KCNAB1: variants seen among roughly 807,000 people sequenced by gnomAD.
The protein encoded by KCNAB1 is potassium voltage-gated channel subfamily A regulatory beta subunit 1.
A neutral mutation model predicts 64.6 loss-of-function variants in KCNAB1; 35 were observed. That is an observed-to-expected ratio of 0.54 (90% CI 0.41 to 0.72). The LOEUF is 0.72. KCNAB1 is among the 30% of genes least tolerant of loss of function. The probability of loss-of-function intolerance (pLI) is 0.00; values close to 1 mark genes in which losing one functional copy is unlikely to be tolerated. For missense variants in KCNAB1, 401 were observed against 512.9 expected, an observed-to-expected ratio of 0.78 and a Z score of 2.11; for synonymous variants, 177 against 183.8, an observed-to-expected ratio of 0.96 and a Z score of 0.30.
chr3:156,158,203 TAAATAAATA>T lies in KCNAB1; in HGVS notation c.275+37320_275+37328del, dbSNP rs1560112507. On this transcript the variant is annotated intron_variant, in intron 1 of 13. Coordinates refer to ENST00000490337, the MANE Select transcript of KCNAB1 (RefSeq NM_172160.3). ...AAAAATAAATAAATAAATAAATAAA[TAAATAAATA>T]AATAAATAAATGGGCCAAAAATGTA... Among the ~76,000 whole-genome samples, 91 of 140,412 alleles carry T rather than the reference TAAATAAATA, an allele frequency of 6.5e-4. 2 individuals carry two copies. Among genetic ancestry groups the T allele is most frequent in the Admixed American group, 1.0e-3 (15 of 14,324 alleles). 92.1% of individuals were successfully genotyped at this position (140,412 alleles called of 152,430 possible).
At chr3:156,273,397 C>T (rs1000668462) in intron 1 of KCNAB1, among the ~76,000 whole-genome samples, 7 of 152,208 alleles carry the variant, frequency 4.6e-5, no homozygotes, top group African/African-American at 1.7e-4. Flanking sequence ...GTTCCAACTG[C>T]TGGGATGGGT....
intron 1 of KCNAB1, among the ~76,000 whole-genome samples, chr3:156,237,594 A>G (rs936505382): frequency 2.0e-5 from 3 of 152,110 alleles, no homozygotes; most frequent in Non-Finnish European, 4.4e-5. Flanking sequence ...AGTTTTTTGC[A>G]TCTAGCTCTA....
chr3:156,370,549 G>A (rs1373421965), intron 1 of KCNAB1, among the ~76,000 whole-genome samples: 1 of 152,170 alleles, frequency 6.6e-6, no homozygotes, highest in Non-Finnish European at 1.5e-5. Context: ...TGTGGCATTT[G>A]TTCATTCAAA....
At chr3:156,423,846 G>C (rs1044841781) in intron 2 of KCNAB1, among the ~76,000 whole-genome samples, 4 of 152,162 alleles carry the variant, frequency 2.6e-5, no homozygotes, top group African/African-American at 9.7e-5. Flanking sequence ...GCTAAAATGA[G>C]GGAGCTGAGG....
At chr3:156,503,700 G>T (rs1225375371) in intron 8 of KCNAB1, among the ~76,000 whole-genome samples, 4 of 151,910 alleles carry the variant, frequency 2.6e-5, no homozygotes, top group Non-Finnish European at 2.9e-5. Flanking sequence ...GATCACAGGG[G>T]CAATGCCACA....
chr3:156,355,449 C>A (rs1725167435), intron 1 of KCNAB1, among the ~76,000 whole-genome samples: 1 of 152,144 alleles, frequency 6.6e-6, no homozygotes, highest in Admixed American at 6.5e-5. Context: ...CATTGACATT[C>A]AACACTCCAT....
chr3:156,319,950 T>C (rs1358164401), intron 1 of KCNAB1, among the ~76,000 whole-genome samples: 15 of 152,204 alleles, frequency 9.9e-5, no homozygotes. Flanking sequence ...CCAGTTTTAA[T>C]GTAGATCATA....
chr3:156,199,993 G>T (rs1714220766), intron 1 of KCNAB1, among the ~76,000 whole-genome samples: 1 of 152,140 alleles, frequency 6.6e-6, no homozygotes, highest in African/African-American at 2.4e-5. Flanking sequence ...ATGGCCTTTG[G>T]ATGGGGTTTT....
intron 1 of KCNAB1, among the ~76,000 whole-genome samples, chr3:156,221,218 A>G (rs1467764174): frequency 6.6e-6 from 1 of 152,220 alleles, no homozygotes; most frequent in Non-Finnish European, 1.5e-5. Flanking sequence ...TTGGTTCCAT[A>G]TGAACTTTAA....
chr3:156,236,975 A>G (rs996163668), intron 1 of KCNAB1, among the ~76,000 whole-genome samples: 33 of 152,194 alleles, frequency 2.2e-4, no homozygotes, highest in African/African-American at 8.0e-4. Flanking sequence ...GAATGTTTTT[A>G]CAGAATTGCA....
At chr3:156,347,390 A>T (rs1241377639) in intron 1 of KCNAB1, among the ~76,000 whole-genome samples, 1 of 152,220 alleles carries the variant, frequency 6.6e-6, no homozygotes, top group Non-Finnish European at 1.5e-5. Flanking sequence ...GTGAGGAAAA[A>T]GTTACCTTTC....
intron 8 of KCNAB1, among the ~76,000 whole-genome samples, chr3:156,505,202 C>T (rs1559919816): frequency 6.6e-6 from 1 of 152,086 alleles, no homozygotes; most frequent in African/African-American, 2.4e-5. Flanking sequence ...GAACCTTTGT[C>T]AAAAATCTGT....
intron 8 of KCNAB1, among the ~76,000 whole-genome samples, chr3:156,493,425 C>T (rs868286): frequency 0.58 from 87,931 of 151,862 alleles, 27,308 homozygotes; most frequent in African/African-American, 0.81. Context: ...GTTGTATGTA[C>T]TTTTGTCTAT....
intron 1 of KCNAB1, among the ~76,000 whole-genome samples, chr3:156,376,250 A>C (rs187983376): frequency 6.6e-6 from 1 of 152,338 alleles, no homozygotes; most frequent in East Asian, 1.9e-4. Context: ...TGGAATTCAG[A>C]AGCAAGAGAG....
intron 12 of KCNAB1, among the ~76,000 whole-genome samples, chr3:156,525,765 T>G (rs1429818045): frequency 6.6e-6 from 1 of 152,228 alleles, no homozygotes. Flanking sequence ...CCGCCTGCCT[T>G]GGCCGCCTAA....
chr3:156,158,179 A>AT lies in KCNAB1; in HGVS notation c.275+37293_275+37294insT, dbSNP rs759689766. On this transcript the variant is annotated intron_variant, in intron 1 of 13. Transcript: ENST00000490337. ...AACTCTGTCTCAAAAAAAAAAATAA[A>AT]AAATAAATAAATAAATAAATAAATA... is the stretch of plus-strand genomic sequence containing the variant. Among the ~76,000 whole-genome samples, 132 of 60,674 alleles carry AT rather than the reference A, an allele frequency of 2.2e-3. 3 individuals are homozygous for AT. In the East Asian group the frequency reaches 0.044, roughly 20 times the overall value. The allele number at this position is 60,674 out of a possible 152,430, so 39.8% of individuals were successfully genotyped here.
chr3:156,137,550 C>G (rs1714427681), intron 1 of KCNAB1, among the ~76,000 whole-genome samples: 1 of 150,138 alleles, frequency 6.7e-6, no homozygotes, highest in Non-Finnish European at 1.5e-5. Flanking sequence ...TGCAAACTTC[C>G]TCTTTTTTTT....
intron 1 of KCNAB1, among the ~76,000 whole-genome samples, chr3:156,280,249 G>C (rs1183315924): frequency 1.7e-3 from 251 of 148,956 alleles, no homozygotes; most frequent in African/African-American, 3.8e-3. Flanking sequence ...GCTTGTTTTT[G>C]TCAGGTTTGT....
At chr3:156,443,358 A>G (rs1279339312) in intron 2 of KCNAB1, among the ~76,000 whole-genome samples, 1 of 152,094 alleles carries the variant, frequency 6.6e-6, no homozygotes, top group Non-Finnish European at 1.5e-5. Context: ...CATTTAGAGC[A>G]AACCTGGGCC....
Sources: allele counts gnomAD v4.1 joint callset (sites outside exome capture counted in the v4.1 genomes callset), GRCh38; gene constraint gnomAD v4.1.1; transcripts MANE v1.5; gene names NCBI Gene and HGNC (gene_info 2026-07-23, HGNC 2026-07-21).